Variants in MANBA observed in about 807,000 individuals in gnomAD.
MANBA encodes the protein mannosidase beta.
MANBA carries 83 observed loss-of-function variants against 111.1 expected under a neutral mutation model. The ratio of observed to expected loss-of-function variants is 0.75; its 90% CI spans 0.63 to 0.90. The LOEUF (loss-of-function observed/expected upper bound fraction) is 0.90, where lower values mean the gene tolerates loss of function less well. Among genes scored for constraint, MANBA ranks in the 40% least tolerant of loss-of-function variants. The pLI is 0.00. For synonymous variants in MANBA, 370 were observed against 378.7 expected (o/e 0.98, Z 0.27); for missense variants, 1,036 against 1,069.0 (o/e 0.97, Z 0.43).
intron 1 of MANBA, chr4:102,727,589 A>C: frequency 6.2e-7 from 1 of 1,606,062 alleles, no homozygotes; most frequent in Admixed American, 1.7e-5. Context: ...GGGTAATTGA[A>C]GCTTTTGGGC....
chr4:102,752,060 C>T (rs1232928846), intron 1 of MANBA: 1 of 756,264 alleles, frequency 1.3e-6, no homozygotes, highest in Non-Finnish European at 2.5e-6. Context: ...ACAGTCCCTA[C>T]AGAAGAAGAA....
chr4:102,639,906 T>C (rs911715042), intron 13 of MANBA, 49 bp from the exon 14 acceptor site: 1 of 1,598,982 alleles, frequency 6.3e-7, no homozygotes, highest in African/African-American at 1.3e-5. Flanking sequence ...TGATGTAGAC[T>C]GCCTAGATCT....
chr4:102,744,693 A>G (rs1723528245), intron 1 of MANBA, among the ~76,000 whole-genome samples: 1 of 152,202 alleles, frequency 6.6e-6, no homozygotes, highest in African/African-American at 2.4e-5. Context: ...ACAACAATCC[A>G]CTGTCATTCT....
At position 102,671,303 on chromosome 4, in the gene MANBA, A is replaced by G; in HGVS notation, c.1208T>C (p.Leu403Pro). ...GIYEQDEFYE[L>P]CDELGIMVWQ... is the part of the protein sequence containing the mutation. ...CACCATTATTCCTAGTTCATCACAG[A>G]GTTCATAGAATTCATCCTGCTCATA... Residue 403 changes from leucine to proline, a missense_variant, in exon 9 of 17, where the codon CTC becomes CCC. By Grantham distance (98) the Leu-to-Pro change is moderately conservative (BLOSUM62 -3). Coordinates refer to ENST00000647097, the MANE Select transcript of MANBA (RefSeq NM_005908.4). The G allele has an allele frequency of 6.3e-7, 1 of 1,581,862 alleles. No individual in the cohort carries two copies. Among genetic ancestry groups the G allele is most frequent in the Non-Finnish European group, 8.7e-7 (1 of 1,150,692 alleles).
At chr4:102,689,396 A>C (rs937873033) in intron 7 of MANBA, among the ~76,000 whole-genome samples, 178 bp downstream of exon 7, 13 of 149,752 alleles carry the variant, frequency 8.7e-5, no homozygotes, top group African/African-American at 3.2e-4. Context: ...GTGTATATAT[A>C]TGTATGTATA....
At chr4:102,729,408 GC>G in intron 1 of MANBA, 1 of 1,097,000 alleles carries the variant, frequency 9.1e-7, no homozygotes, top group Non-Finnish European at 1.4e-6. Context: ...TGCTGTTCAT[GC>G]CCAGGGAGCG....
intron 1 of MANBA, among the ~76,000 whole-genome samples, chr4:102,733,561 A>G (rs1723105334): frequency 6.6e-6 from 1 of 152,130 alleles, no homozygotes; most frequent in Non-Finnish European, 1.5e-5. Flanking sequence ...AGATCTTACT[A>G]TGTTGCCAAG....
intron 5 of MANBA, among the ~76,000 whole-genome samples, chr4:102,695,023 A>T (rs954909037): frequency 2.0e-5 from 3 of 152,196 alleles, no homozygotes; most frequent in Non-Finnish European, 4.4e-5. Flanking sequence ...TGTTCTTTAA[A>T]AAAAGAAAAA....
At chr4:102,644,600 T>C (rs1730020794) in intron 13 of MANBA, among the ~76,000 whole-genome samples, 2 of 151,992 alleles carry the variant, frequency 1.3e-5, no homozygotes, top group Admixed American at 1.3e-4. Context: ...AGTAGAATGG[T>C]GGGCTGGATG....
rs200175441 is a variant in MANBA, at chr4:102,632,161, T to G, written c.2536A>C (p.Met846Leu). ...PGRFSDNGFL[M>L]TEKTRTILFY... ...AATATAGTTCGTGTCTTCTCAGTCA[T>G]GAGGAAACCATTGTCACTAAATCTC... Residue 846 changes from methionine (M) to leucine (L), a missense_variant, in exon 17 of 17, where the codon ATG becomes CTG. By Grantham distance (15) the Met-to-Leu change is conservative. Coordinates refer to ENST00000647097, the MANE Select transcript of MANBA (RefSeq NM_005908.4). 8.1e-5 allele frequency: 131 copies of G among 1,613,328 alleles called. 1 individual carries two copies. The highest frequency in any genetic ancestry group is 3.9e-5 in the Non-Finnish European group (46 of 1,179,338).
intron 9 of MANBA, among the ~76,000 whole-genome samples, chr4:102,670,449 C>T (rs1006828692): frequency 6.6e-6 from 1 of 152,042 alleles, no homozygotes; most frequent in South Asian, 2.1e-4. Context: ...TCCTAGTCTT[C>T]GGTGGCACTC....
chr4:102,689,402 G>GTATATATACATACA (rs1732375568), intron 7 of MANBA, among the ~76,000 whole-genome samples, 172 bp downstream of exon 7: 1 of 149,008 alleles, frequency 6.7e-6, no homozygotes, highest in Admixed American at 6.7e-5. Flanking sequence ...ATATATGTAT[G>GTATATATACATACA]TATATATACA....
chr4:102,729,466 T>C, intron 1 of MANBA: 2 of 1,282,284 alleles, frequency 1.6e-6, no homozygotes, highest in Non-Finnish European at 2.2e-6. Context: ...GATCTGGGAC[T>C]GCAGCTCCTG....
At chr4:102,727,323 T>C (rs1433803030) in intron 1 of MANBA, 17 of 663,078 alleles carry the variant, frequency 2.6e-5, no homozygotes, top group Non-Finnish European at 4.6e-5. Context: ...CTCATTGATA[T>C]AGTTCTCAGT....
At chr4:102,707,960 A>G (rs1162911501) in intron 5 of MANBA, among the ~76,000 whole-genome samples, 4 of 152,214 alleles carry the variant, frequency 2.6e-5, no homozygotes, top group Non-Finnish European at 5.9e-5. Flanking sequence ...ACAAGAGAAT[A>G]TAATAATTCT....
chr4:102,735,303 T>C (rs1370791565), intron 1 of MANBA, among the ~76,000 whole-genome samples: 1 of 151,992 alleles, frequency 6.6e-6, no homozygotes, highest in Admixed American at 6.5e-5. Flanking sequence ...GGCTCATCAA[T>C]TTCAGACCAA....
intron 5 of MANBA, among the ~76,000 whole-genome samples, chr4:102,694,632 A>C (rs181321711): frequency 6.6e-6 from 1 of 152,160 alleles, no homozygotes; most frequent in Admixed American, 6.6e-5. Flanking sequence ...TGGATGAAGT[A>C]CTGGGGGTGA....
At chr4:102,736,293 G>T (rs1259287486) in intron 1 of MANBA, among the ~76,000 whole-genome samples, 1 of 152,140 alleles carries the variant, frequency 6.6e-6, no homozygotes, top group East Asian at 1.9e-4. Context: ...TGCCGTGTGT[G>T]CCTCGGCTAG....
intron 5 of MANBA, among the ~76,000 whole-genome samples, chr4:102,700,460 A>G (rs1732974229): frequency 6.6e-6 from 1 of 151,732 alleles, no homozygotes; most frequent in Admixed American, 6.6e-5. Context: ...TAGGGTGTCA[A>G]TTTTGGATCT....
Sources: allele counts gnomAD v4.1 joint callset (sites outside exome capture counted in the v4.1 genomes callset), GRCh38; gene constraint gnomAD v4.1.1; transcripts MANE v1.5; gene names NCBI Gene and HGNC (gene_info 2026-07-23, HGNC 2026-07-21).